TCF12: variants seen among roughly 807,000 people sequenced by gnomAD.
TCF12 encodes the protein DNA-binding protein HTF4.
Under a neutral mutation model 86.0 loss-of-function variants are expected in TCF12, and 45 were observed. That is an observed-to-expected ratio of 0.52 (90% CI 0.41 to 0.67). TCF12 has a LOEUF of 0.67. Among genes scored for constraint, TCF12 ranks in the 30% least tolerant of loss-of-function variants. TCF12 has a pLI of 0.00. For missense variants in TCF12, 881 were observed against 859.9 expected (o/e 1.02, Z -0.31); for synonymous variants, 330 against 299.6 (o/e 1.10, Z -1.05).
At chr15:57,163,480 G>A (rs2054639388) in intron 5 of TCF12, among the ~76,000 whole-genome samples, 1 of 152,062 alleles carries the variant, frequency 6.6e-6, no homozygotes, top group African/African-American at 2.4e-5. Flanking sequence ...TAGGAGGGTT[G>A]CTTGAGCCCA....
chr15:57,069,952 A>G (rs1434983032), intron 4 of TCF12, among the ~76,000 whole-genome samples: 1 of 152,182 alleles, frequency 6.6e-6, no homozygotes, highest in Non-Finnish European at 1.5e-5. Flanking sequence ...CTTGGGTTCT[A>G]TTTCTGGCAC....
chr15:57,061,584 C>T (rs115590494), intron 3 of TCF12, among the ~76,000 whole-genome samples: 1,762 of 152,244 alleles, frequency 0.012, 33 homozygotes, highest in African/African-American at 0.04. Flanking sequence ...GCCTGGATGA[C>T]AGAACATGAA....
intron 18 of TCF12, 96 bp from the exon 19 acceptor site, chr15:57,272,934 T>C (rs909658312): frequency 6.0e-6 from 7 of 1,174,248 alleles, no homozygotes; most frequent in Non-Finnish European, 8.4e-6. Flanking sequence ...TTATAGGTGG[T>C]TTTCATTTCC....
At chr15:57,242,218 C>T (rs535652090) in intron 12 of TCF12, among the ~76,000 whole-genome samples, 1 of 152,248 alleles carries the variant, frequency 6.6e-6, no homozygotes, top group East Asian at 1.9e-4. Flanking sequence ...TTTTTGCACT[C>T]ACAAGTAGTT....
intron 3 of TCF12, among the ~76,000 whole-genome samples, chr15:57,014,675 C>G (rs1192425882): frequency 1.3e-5 from 2 of 152,066 alleles, no homozygotes; most frequent in East Asian, 1.9e-4. Flanking sequence ...AGGTGGCAGC[C>G]TACCTAAAGG....
intron 4 of TCF12, among the ~76,000 whole-genome samples, chr15:57,074,049 C>T (rs1233494304): frequency 3.3e-5 from 5 of 152,018 alleles, no homozygotes; most frequent in African/African-American, 1.2e-4. Flanking sequence ...CACGCCCGGC[C>T]TTAGAAGTTT....
intron 12 of TCF12, among the ~76,000 whole-genome samples, chr15:57,238,489 G>C (rs571566019): frequency 2.0e-4 from 31 of 152,274 alleles, no homozygotes; most frequent in South Asian, 1.0e-3. Flanking sequence ...CCCAGAAATA[G>C]TGAAACCTCA....
upstream of TCF12, chr15:56,918,514 G>T: frequency 3.2e-6 from 1 of 316,556 alleles, no homozygotes; most frequent in Non-Finnish European, 6.2e-6. Flanking sequence ...ACCCGCCGCG[G>T]TGCGGCTCCT....
chr15:57,244,579 C>A (rs1192981137), intron 13 of TCF12, among the ~76,000 whole-genome samples: 8 of 152,190 alleles, frequency 5.3e-5, no homozygotes, highest in Non-Finnish European at 1.0e-4. Flanking sequence ...CCTGCCTCAG[C>A]TTCCCGAGTA....
chr15:57,117,715 A>C lies in TCF12; in HGVS notation c.325+25824A>C, dbSNP rs143130557. On this transcript the variant is annotated intron_variant, in intron 5 of 20. Coordinates refer to ENST00000333725, the MANE Select transcript of TCF12 (RefSeq NM_207037.2). ...CATTTTCTGTTATTGGTAAATTAAA[A>C]TTTGTAATAACATTTCCCCCAACTT... 2.2e-4 allele frequency among the ~76,000 whole-genome samples: 34 copies of C among 152,356 alleles called. 1 individual carries two copies. The East Asian group carries it at 6.0e-3, about 27-fold the overall frequency.
chr15:57,265,098 T>TA lies in TCF12; in HGVS notation c.1745+1825dup, dbSNP rs1416187853. ...TATAGTATAGTATAGTATAGTATAG[T>TA]ATAGTATAGTATAGTATAGTATAGT... On this transcript the variant is annotated intron_variant, in intron 18 of 20. Coordinates refer to ENST00000333725, the MANE Select transcript of TCF12 (RefSeq NM_207037.2). Among the ~76,000 whole-genome samples, 8 of 149,848 alleles carry TA rather than the reference T, an allele frequency of 5.3e-5. No individual in the cohort carries two copies. The East Asian group carries it at 1.4e-3, about 26-fold the overall frequency.
chr15:57,075,792 T>G (rs796122949), intron 4 of TCF12, among the ~76,000 whole-genome samples: 5 of 35,092 alleles, frequency 1.4e-4, no homozygotes, highest in Non-Finnish European at 2.7e-4. Context: ...CTTTCTTTCT[T>G]TCTTTCTTTC....
chr15:57,072,080 A>C (rs1340905374), intron 4 of TCF12, among the ~76,000 whole-genome samples: 1 of 152,226 alleles, frequency 6.6e-6, no homozygotes, highest in Admixed American at 6.5e-5. Flanking sequence ...GAATGGATCC[A>C]AGGTGAAAGA....
intron 3 of TCF12, among the ~76,000 whole-genome samples, chr15:56,997,554 C>T (rs748804742): frequency 5.3e-5 from 8 of 152,136 alleles, no homozygotes; most frequent in Non-Finnish European, 7.4e-5. Context: ...ATTCATTTGT[C>T]CTCCAGACCT....
intron 4 of TCF12, chr15:57,072,534 ATTG>A (rs1278493013): frequency 2.2e-5 from 10 of 448,440 alleles, no homozygotes; most frequent in Middle Eastern, 6.4e-4. Flanking sequence ...TGTGTTTGCT[ATTG>A]TTTTTATTTT....
At chr15:56,920,508 G>GTGTGTGTA (rs1303906766) in intron 2 of TCF12, among the ~76,000 whole-genome samples, 1 of 150,974 alleles carries the variant, frequency 6.6e-6, no homozygotes. Context: ...GTGTGTGTGT[G>GTGTGTGTA]TATTATGTTC....
intron 3 of TCF12, among the ~76,000 whole-genome samples, chr15:56,948,844 T>C (rs3803454): frequency 0.39 from 58,932 of 151,842 alleles, 14,224 homozygotes; most frequent in Non-Finnish European, 0.53. Context: ...AAATGCTTAC[T>C]GTTTTCCCTG....
intron 18 of TCF12, among the ~76,000 whole-genome samples, chr15:57,270,283 T>A (rs527247689): frequency 5.4e-4 from 83 of 152,350 alleles, no homozygotes; most frequent in Non-Finnish European, 8.8e-4. Flanking sequence ...TCTAAGCTTG[T>A]CTTCTCGCAT....
At chr15:56,952,146 C>G (rs1413419398) in intron 3 of TCF12, among the ~76,000 whole-genome samples, 2 of 151,216 alleles carry the variant, frequency 1.3e-5, no homozygotes, top group Non-Finnish European at 2.9e-5. Flanking sequence ...TGTTTGTGAA[C>G]AAAAATAGTT....
Sources: gnomAD v4.1 joint callset for allele counts (sites outside exome capture counted in the v4.1 genomes callset) on GRCh38, gnomAD v4.1.1 for gene constraint, MANE v1.5 for transcripts, NCBI Gene and HGNC (gene_info 2026-07-23, HGNC 2026-07-21) for gene names.